Variants in DRD3 observed in about 807,000 individuals in gnomAD.
DRD3 encodes dopamine receptor D3.
A neutral mutation model predicts 36.3 loss-of-function variants in DRD3; 19 were observed. The ratio of observed to expected loss-of-function variants is 0.52; its 90% CI spans 0.36 to 0.77. DRD3 has a LOEUF of 0.77. Among genes scored for constraint, DRD3 ranks in the 30% least tolerant of loss-of-function variants. The pLI, the probability that DRD3 is intolerant of heterozygous loss-of-function variation, is 0.00. For missense variants in DRD3, 465 were observed against 505.3 expected (o/e 0.92, Z 0.77); for synonymous variants, 195 against 203.7 (o/e 0.96, Z 0.36).
chr3:114,175,341 T>C (rs2077887635), intron 1 of DRD3, among the ~76,000 whole-genome samples: 1 of 152,154 alleles, frequency 6.6e-6, no homozygotes, highest in African/African-American at 2.4e-5. Flanking sequence ...TCTAGTGAAC[T>C]TGGAAATGAT....
At chr3:114,153,378 G>T (rs2077636520) in intron 3 of DRD3, among the ~76,000 whole-genome samples, 2 of 151,910 alleles carry the variant, frequency 1.3e-5, no homozygotes. Flanking sequence ...ATCAGTGATT[G>T]TTCATATCAG....
chr3:114,187,803 T>C (rs918840844), intron 1 of DRD3, among the ~76,000 whole-genome samples: 1 of 152,208 alleles, frequency 6.6e-6, no homozygotes, highest in African/African-American at 2.4e-5. Flanking sequence ...CTCAAACTGT[T>C]ACTTATGTTT....
At chr3:114,179,227 G>A (rs2077931731), upstream of DRD3, among the ~76,000 whole-genome samples, 1 of 152,026 alleles carries the variant, frequency 6.6e-6, no homozygotes, top group African/African-American at 2.4e-5. Context: ...TAGTTCAGAA[G>A]GAACAGATCA....
chr3:114,136,700 T>C (rs2077477726), intron 5 of DRD3, among the ~76,000 whole-genome samples: 1 of 152,228 alleles, frequency 6.6e-6, no homozygotes, highest in Admixed American at 6.5e-5. Flanking sequence ...ACCTTAATTA[T>C]TACAAATTTT....
intron 3 of DRD3, among the ~76,000 whole-genome samples, 167 bp downstream of exon 3, chr3:114,159,588 G>T (rs1201468699): frequency 1.3e-5 from 2 of 152,140 alleles, no homozygotes; most frequent in Admixed American, 1.3e-4. Context: ...CCTGTCGCAG[G>T]GGTTTCTTCT....
At chr3:114,192,415 G>A (rs1205207647) in intron 1 of DRD3, among the ~76,000 whole-genome samples, 2 of 152,278 alleles carry the variant, frequency 1.3e-5, no homozygotes, top group Non-Finnish European at 2.9e-5. Context: ...CTGTATTTAT[G>A]TATTGTCTGG....
Position 114,128,791 on chromosome 3 carries a change from G to A in DRD3, c.1128C>T (p.Ser376=), listed in dbSNP as rs762105114. Residue 376 remains serine, a synonymous_variant, in exon 7 of 7, where the codon AGC becomes AGT. Coordinates refer to ENST00000383673, the MANE Select transcript of DRD3 (RefSeq NM_000796.6). Reference sequence around the variant, plus strand: ...TGGTATAGATCACAGGGTTGAGGGCGCTATTCACGTAGCCCAGCCATGTCG... The same window carrying A: ...TGGTATAGATCACAGGGTTGAGGGCACTATTCACGTAGCCCAGCCATGTCG... The part of the protein sequence containing the change: ...SATTWLGYVN[S]ALNPVIYTTF... 43 of 1,613,734 alleles carry A rather than the reference G, an allele frequency of 2.7e-5. No individual in the cohort carries two copies. The highest frequency in any genetic ancestry group is 2.2e-4 in the East Asian group (10 of 44,884).
At chr3:114,194,575 G>A (rs535292884) in intron 1 of DRD3, among the ~76,000 whole-genome samples, 1 of 152,194 alleles carries the variant, frequency 6.6e-6, no homozygotes, top group East Asian at 1.9e-4. Context: ...AGCCACTGCA[G>A]GTGCCCTGAA....
At chr3:114,166,065 A>C (rs971660590) in intron 2 of DRD3, among the ~76,000 whole-genome samples, 1 of 149,766 alleles carries the variant, frequency 6.7e-6, no homozygotes, top group East Asian at 2.0e-4. Context: ...GGCTCACTGC[A>C]ACCTCTGCCT....
chr3:114,168,300 CTT>C (rs35547339), intron 2 of DRD3, among the ~76,000 whole-genome samples: 1 of 152,150 alleles, frequency 6.6e-6, no homozygotes, highest in Non-Finnish European at 1.5e-5. Flanking sequence ...AGTTCTGAGT[CTT>C]TTTCTCACAG....
chr3:114,131,066 A>G, intron 6 of DRD3, 52 bp downstream of exon 6: 1 of 1,551,782 alleles, frequency 6.4e-7, no homozygotes, highest in Non-Finnish European at 8.7e-7. Flanking sequence ...GCTCCACTTA[A>G]CTTAACACAA....
chr3:114,179,935 T>G (rs1217937685), upstream of DRD3, among the ~76,000 whole-genome samples: 1 of 152,154 alleles, frequency 6.6e-6, no homozygotes, highest in Non-Finnish European at 1.5e-5. Context: ...TTTAATCCTT[T>G]CAACAACCCT....
intron 3 of DRD3, among the ~76,000 whole-genome samples, chr3:114,148,776 G>A (rs539897483): frequency 6.6e-5 from 10 of 152,156 alleles, no homozygotes; most frequent in South Asian, 2.1e-4. Flanking sequence ...GCAGTGGCGC[G>A]ATCTCAACTC....
At chr3:114,187,598 A>G (rs1355493282) in intron 1 of DRD3, among the ~76,000 whole-genome samples, 1 of 152,208 alleles carries the variant, frequency 6.6e-6, no homozygotes, top group Non-Finnish European at 1.5e-5. Flanking sequence ...TCCCAGAGTA[A>G]AGCAAAATGA....
intron 5 of DRD3, among the ~76,000 whole-genome samples, chr3:114,135,946 C>G (rs2077471085): frequency 6.6e-6 from 1 of 152,126 alleles, no homozygotes; most frequent in South Asian, 2.1e-4. Context: ...CCATCCTGGC[C>G]TCTCAAATTG....
intron 1 of DRD3, among the ~76,000 whole-genome samples, chr3:114,195,528 T>C (rs1239664683): frequency 6.6e-6 from 1 of 152,178 alleles, no homozygotes; most frequent in Non-Finnish European, 1.5e-5. Flanking sequence ...AGCAACTAAG[T>C]TCCATAGTAC....
At position 114,159,681 on chromosome 3, in the gene DRD3, C is replaced by G. The variant is rs2077714212; in HGVS notation, c.383+74G>C. ...GTTCTACTTGGAGGTGACCCCAGTACCCTCAAGTGCACAATCTGTCTCTCC... is the reference window on the plus strand; with the variant it reads ...GTTCTACTTGGAGGTGACCCCAGTAGCCTCAAGTGCACAATCTGTCTCTCC... On this transcript the variant is annotated intron_variant, in intron 3 of 6. Coordinates refer to ENST00000383673, the MANE Select transcript of DRD3 (RefSeq NM_000796.6). 4.9e-6 allele frequency: 6 copies of G among 1,220,458 alleles called. No homozygotes were observed. In the East Asian group the frequency reaches 1.4e-4, roughly 29 times the overall value. The allele number at this position is 1,220,458 out of a possible 1,614,324, so 75.6% of individuals were successfully genotyped here.
At chr3:114,184,916 T>C (rs1182321750) in intron 1 of DRD3, among the ~76,000 whole-genome samples, 5 of 152,208 alleles carry the variant, frequency 3.3e-5, no homozygotes, top group Non-Finnish European at 4.4e-5. Flanking sequence ...GGTTGACAGG[T>C]ATTTTTTTCT....
chr3:114,151,294 G>A (rs1030437696), intron 3 of DRD3, among the ~76,000 whole-genome samples: 2 of 152,164 alleles, frequency 1.3e-5, no homozygotes, highest in Non-Finnish European at 2.9e-5. Context: ...ACTGAACAGC[G>A]AGGGGAAGGA....
Sources: gnomAD v4.1 joint callset for allele counts (sites outside exome capture counted in the v4.1 genomes callset) on GRCh38, gnomAD v4.1.1 for gene constraint, MANE v1.5 for transcripts, NCBI Gene and HGNC (gene_info 2026-07-23, HGNC 2026-07-21) for gene names.